Variants in EFNA5 observed in about 807,000 individuals in gnomAD.
EFNA5 encodes the protein ephrin A5.
EFNA5 carries 5 observed loss-of-function variants against 22.9 expected under a neutral mutation model. The ratio of observed to expected loss-of-function variants is 0.22; its 90% CI spans 0.11 to 0.46. The LOEUF is 0.46. EFNA5 is among the 20% of genes least tolerant of loss of function. The pLI is 0.99. For synonymous variants in EFNA5, 113 were observed against 112.2 expected (o/e 1.01, Z -0.04); for missense variants, 237 against 293.3 (o/e 0.81, Z 1.40).
chr5:107,442,582 A>G lies in EFNA5; in HGVS notation c.126-15073T>C, dbSNP rs140099013. Among the ~76,000 whole-genome samples, 313 of 152,298 alleles carry G rather than the reference A, an allele frequency of 2.1e-3. 1 individual carries two copies. Among genetic ancestry groups the G allele is most frequent in the South Asian group, 0.019 (90 of 4,826 alleles). ...ATTATCAACTGTCTATTGCATTAGCAATTTCCAGCTGAATTACAAACTGTT... is the reference window on the plus strand; with the variant it reads ...ATTATCAACTGTCTATTGCATTAGCGATTTCCAGCTGAATTACAAACTGTT... On this transcript the variant is annotated intron_variant, in intron 1 of 4. Transcript: ENST00000333274.
rs559534141 is a variant in EFNA5 at position 107,413,336 on chromosome 5, CTGTT to C, written c.418+13877_418+13880del. Among the ~76,000 whole-genome samples the C allele has an allele frequency of 3.3e-3, 505 of 152,298 alleles. 5 individuals are homozygous for C. Among genetic ancestry groups the C allele is most frequent in the Middle Eastern group, 0.017 (5 of 294 alleles). On this transcript the variant is annotated intron_variant, in intron 2 of 4. Coordinates refer to ENST00000333274, the MANE Select transcript of EFNA5 (RefSeq NM_001962.3). ...GTAAATAGTGATTAAGTACAGATCA[CTGTT>C]GACCTTTAATCATAACCAAATCATT... is the stretch of plus-strand genomic sequence containing the variant.
chr5:107,551,618 T>A (rs1226371499), intron 1 of EFNA5, among the ~76,000 whole-genome samples: 2 of 152,130 alleles, frequency 1.3e-5, no homozygotes, highest in Non-Finnish European at 2.9e-5. Context: ...GAATTTTTTC[T>A]GATCTACTTT....
chr5:107,642,333 G>T (rs1194751351), intron 1 of EFNA5, among the ~76,000 whole-genome samples: 4 of 151,886 alleles, frequency 2.6e-5, no homozygotes, highest in African/African-American at 7.3e-5. Context: ...GATTTCAAGG[G>T]TTCTCACCAC....
At chr5:107,617,069 G>T (rs1296196665) in intron 1 of EFNA5, among the ~76,000 whole-genome samples, 1 of 151,832 alleles carries the variant, frequency 6.6e-6, no homozygotes, top group East Asian at 1.9e-4. Context: ...AAATCTAAAG[G>T]CTTTTGCCCA....
At chr5:107,488,795 G>C (rs909227943) in intron 1 of EFNA5, among the ~76,000 whole-genome samples, 5 of 152,010 alleles carry the variant, frequency 3.3e-5, no homozygotes, top group Non-Finnish European at 5.9e-5. Flanking sequence ...GGGTTGAAGC[G>C]AGTCTCCCGC....
At chr5:107,508,922 T>G (rs1747304509) in intron 1 of EFNA5, among the ~76,000 whole-genome samples, 1 of 152,226 alleles carries the variant, frequency 6.6e-6, no homozygotes, top group Admixed American at 6.5e-5. Flanking sequence ...CTTATTGCAG[T>G]GTTCCTTTAT....
chr5:107,665,579 T>C (rs973587508), intron 1 of EFNA5, among the ~76,000 whole-genome samples: 3 of 152,260 alleles, frequency 2.0e-5, no homozygotes, highest in Admixed American at 2.0e-4. Flanking sequence ...AGTAGTTTAC[T>C]GACCTTGGTC....
chr5:107,595,354 G>C (rs1366810790), intron 1 of EFNA5, among the ~76,000 whole-genome samples: 1 of 151,940 alleles, frequency 6.6e-6, no homozygotes, highest in East Asian at 1.9e-4. Flanking sequence ...ACAACAAGGG[G>C]CTCACTATGA....
At chr5:107,636,579 G>A (rs26723) in intron 1 of EFNA5, among the ~76,000 whole-genome samples, 151,905 of 152,364 alleles carry the variant, frequency 1, 75,739 homozygotes, top group Middle Eastern at 1. Context: ...TCTGTTTAAG[G>A]TATGTATTTC....
intron 1 of EFNA5, among the ~76,000 whole-genome samples, chr5:107,494,084 T>C (rs918056077): frequency 1.3e-5 from 2 of 152,246 alleles, no homozygotes; most frequent in Non-Finnish European, 2.9e-5. Flanking sequence ...GACGGCGTGC[T>C]GGCAGTCCTC....
chr5:107,621,321 A>T (rs1158809759), intron 1 of EFNA5, among the ~76,000 whole-genome samples: 1 of 152,198 alleles, frequency 6.6e-6, no homozygotes, highest in Non-Finnish European at 1.5e-5. Flanking sequence ...ACTGGCAAGA[A>T]TCCTTGCAAC....
chr5:107,601,620 T>C (rs1431476710), intron 1 of EFNA5, among the ~76,000 whole-genome samples: 1 of 152,158 alleles, frequency 6.6e-6, no homozygotes, highest in African/African-American at 2.4e-5. Flanking sequence ...AGAGTTAAAA[T>C]TAGAAAGAAT....
chr5:107,636,000 T>C (rs1750366073), intron 1 of EFNA5, among the ~76,000 whole-genome samples: 2 of 152,228 alleles, frequency 1.3e-5, no homozygotes, highest in African/African-American at 2.4e-5. Context: ...ATCCTTTTTA[T>C]GACTTTAAAA....
intron 1 of EFNA5, among the ~76,000 whole-genome samples, chr5:107,498,387 T>G (rs1347324133): frequency 6.6e-6 from 1 of 152,156 alleles, no homozygotes; most frequent in Non-Finnish European, 1.5e-5. Flanking sequence ...TGAAACTCAC[T>G]CACAAATTTC....
chr5:107,545,408 G>A (rs1016633188), intron 1 of EFNA5, among the ~76,000 whole-genome samples: 11 of 152,218 alleles, frequency 7.2e-5, no homozygotes, highest in Non-Finnish European at 1.3e-4. Context: ...CCTGAGGACT[G>A]CAGGAGTGAA....
intron 1 of EFNA5, among the ~76,000 whole-genome samples, chr5:107,461,498 A>C (rs1386240666): frequency 6.6e-6 from 1 of 152,088 alleles, no homozygotes; most frequent in Non-Finnish European, 1.5e-5. Flanking sequence ...GGGGGAAAAA[A>C]AGACCTTTTC....
intron 1 of EFNA5, among the ~76,000 whole-genome samples, chr5:107,552,692 A>G (rs1748324901): frequency 6.6e-6 from 1 of 152,248 alleles, no homozygotes; most frequent in Admixed American, 6.5e-5. Flanking sequence ...GGAGCTCTGT[A>G]TATTCATGGA....
At chr5:107,396,550 T>C (rs1450897491) in intron 2 of EFNA5, among the ~76,000 whole-genome samples, 1 of 152,136 alleles carries the variant, frequency 6.6e-6, no homozygotes. Context: ...GAGTTCTGAG[T>C]GCAAATATGG....
intron 2 of EFNA5, among the ~76,000 whole-genome samples, chr5:107,410,163 G>A (rs1016917986): frequency 6.6e-6 from 1 of 151,584 alleles, no homozygotes; most frequent in Non-Finnish European, 1.5e-5. Context: ...AAGTAGCTGG[G>A]ACTACAGGCA....
Sources: gnomAD v4.1 joint callset for allele counts (sites outside exome capture counted in the v4.1 genomes callset) on GRCh38, gnomAD v4.1.1 for gene constraint, MANE v1.5 for transcripts, NCBI Gene and HGNC (gene_info 2026-07-23, HGNC 2026-07-21) for gene names.